The following ANO3 variants were observed in gnomAD, a reference collection of about 807,000 sequenced individuals.
The protein encoded by ANO3 is anoctamin 3, also known as anoctamin-3.
A neutral mutation model predicts 144.8 loss-of-function variants in ANO3; 99 were observed. The ratio of observed to expected loss-of-function variants is 0.68; its 90% CI spans 0.58 to 0.81. ANO3 has a LOEUF of 0.81. Ranked by LOEUF, ANO3 falls within the 30% of genes least tolerant of loss-of-function variation. The pLI, the probability that ANO3 is intolerant of heterozygous loss-of-function variation, is 0.00. For synonymous variants in ANO3, 414 were observed against 392.6 expected, an observed-to-expected ratio of 1.05 and a Z score of -0.64; for missense variants, 905 against 1,202.2, an observed-to-expected ratio of 0.75 and a Z score of 3.66.
At chr11:26,643,829 G>A (rs753360848) in intron 23 of ANO3, among the ~76,000 whole-genome samples, 5 of 152,044 alleles carry the variant, frequency 3.3e-5, no homozygotes, top group Non-Finnish European at 7.4e-5. Context: ...CCACTTCCCC[G>A]TGGTGTGAGG....
upstream of ANO3, among the ~76,000 whole-genome samples, chr11:26,329,319 CACACACACAGAGAGAG>C (rs1037230737): frequency 2.7e-5 from 2 of 74,098 alleles, no homozygotes; most frequent in African/African-American, 7.3e-5. Flanking sequence ...CACACACACA[CACACACACAGAGAGAG>C]AGAGAGAGAG....
At chr11:26,291,329 T>C (rs1011482412) in intron 1 of ANO3, among the ~76,000 whole-genome samples, 3 of 152,202 alleles carry the variant, frequency 2.0e-5, no homozygotes. Flanking sequence ...ATCTCCTGAA[T>C]ACAGCACACT....
chr11:26,415,606 TTA>T (rs1342436298), intron 1 of ANO3, among the ~76,000 whole-genome samples: 6 of 152,240 alleles, frequency 3.9e-5, no homozygotes, highest in Non-Finnish European at 5.9e-5. Context: ...TTACATGTCC[TTA>T]TTTATTGTTC....
At chr11:26,648,673 G>A (rs1044895208) in intron 24 of ANO3, among the ~76,000 whole-genome samples, 10 of 152,296 alleles carry the variant, frequency 6.6e-5, no homozygotes, top group African/African-American at 2.4e-4. Flanking sequence ...CTTAAATAAG[G>A]TATTGGGGGA....
intron 14 of ANO3, among the ~76,000 whole-genome samples, chr11:26,581,047 C>G (rs1851115617): frequency 2.0e-5 from 3 of 152,070 alleles, no homozygotes; most frequent in Admixed American, 6.6e-5. Flanking sequence ...GATCATATAG[C>G]CAAGAAAGTT....
At chr11:26,648,087 A>C (rs189009509) in intron 24 of ANO3, among the ~76,000 whole-genome samples, 41 of 152,282 alleles carry the variant, frequency 2.7e-4, no homozygotes, top group African/African-American at 9.4e-4. Flanking sequence ...CACAAGTATC[A>C]AAATATTAAA....
intron 6 of ANO3, among the ~76,000 whole-genome samples, chr11:26,520,468 A>G (rs970426967): frequency 3.9e-5 from 6 of 152,182 alleles, no homozygotes; most frequent in African/African-American, 1.4e-4. Context: ...TCAAAAAAAT[A>G]TGATTATTGC....
chr11:26,490,408 T>G (rs1341851436), intron 4 of ANO3, among the ~76,000 whole-genome samples: 1 of 152,200 alleles, frequency 6.6e-6, no homozygotes, highest in African/African-American at 2.4e-5. Flanking sequence ...CACATTATTA[T>G]AAACTCTAGA....
At chr11:26,604,274 A>T (rs10742149) in intron 17 of ANO3, among the ~76,000 whole-genome samples, 106,525 of 152,032 alleles carry the variant, frequency 0.7, 38,395 homozygotes, top group East Asian at 0.84. Flanking sequence ...GGTGTATATG[A>T]CTGTTTTGAT....
intron 1 of ANO3, among the ~76,000 whole-genome samples, chr11:26,404,933 A>ATATG (rs1224434117): frequency 1.0e-3 from 150 of 146,262 alleles, no homozygotes; most frequent in African/African-American, 2.3e-3. Context: ...ATTTATATAT[A>ATATG]TGTGTGTGTG....
At chr11:26,633,173 A>T (rs894262626) in intron 18 of ANO3, among the ~76,000 whole-genome samples, 1 of 152,192 alleles carries the variant, frequency 6.6e-6, no homozygotes, top group Non-Finnish European at 1.5e-5. Context: ...TTACGTTAAA[A>T]TATATGTTAG....
intron 4 of ANO3, among the ~76,000 whole-genome samples, chr11:26,493,850 G>T (rs1188205969): frequency 1.3e-5 from 2 of 152,058 alleles, no homozygotes; most frequent in Admixed American, 6.6e-5. Flanking sequence ...ACCCTCTGAG[G>T]ATTTCCTTCT....
At chr11:26,349,908 A>G (rs1011868992) in intron 1 of ANO3, among the ~76,000 whole-genome samples, 5 of 152,192 alleles carry the variant, frequency 3.3e-5, no homozygotes, top group African/African-American at 9.7e-5. Flanking sequence ...AGTGTTAGGA[A>G]GAGCCTTGAC....
chr11:26,376,519 T>C (rs1048608441), intron 1 of ANO3, among the ~76,000 whole-genome samples: 6 of 152,156 alleles, frequency 3.9e-5, no homozygotes, highest in East Asian at 1.9e-4. Context: ...AGGGAACTTA[T>C]GCATTTTCTT....
intron 1 of ANO3, among the ~76,000 whole-genome samples, chr11:26,210,822 G>T (rs532233464): frequency 6.6e-6 from 1 of 151,768 alleles, no homozygotes; most frequent in African/African-American, 2.4e-5. Flanking sequence ...TGATTTTTGC[G>T]CATTGATTTT....
intron 1 of ANO3, among the ~76,000 whole-genome samples, chr11:26,192,961 T>C (rs999187580): frequency 2.0e-5 from 3 of 152,038 alleles, no homozygotes; most frequent in African/African-American, 7.2e-5. Context: ...GTGCAGGACA[T>C]GCAGGTTTGT....
chr11:26,400,859 G>T (rs5009324), intron 1 of ANO3, among the ~76,000 whole-genome samples: 21 of 59,968 alleles, frequency 3.5e-4, no homozygotes, highest in African/African-American at 6.7e-4. Context: ...TATATATATA[G>T]ACACACACAC....
At chr11:26,338,416 C>G (rs911114173) in intron 1 of ANO3, among the ~76,000 whole-genome samples, 3 of 152,114 alleles carry the variant, frequency 2.0e-5, no homozygotes, top group African/African-American at 7.2e-5. Context: ...TGTAAAAATG[C>G]ACCTATCAGT....
At chr11:26,362,891 A>G (rs1309799713) in intron 1 of ANO3, among the ~76,000 whole-genome samples, 1 of 152,186 alleles carries the variant, frequency 6.6e-6, no homozygotes, top group African/African-American at 2.4e-5. Context: ...TTCTTAAATG[A>G]CTACCTAAAT....
Sources: gnomAD v4.1 joint callset for allele counts (sites outside exome capture counted in the v4.1 genomes callset) on GRCh38, gnomAD v4.1.1 for gene constraint, MANE v1.5 for transcripts, NCBI Gene and HGNC (gene_info 2026-07-23, HGNC 2026-07-21) for gene names.